Variants in ARHGAP6 observed in about 807,000 individuals in gnomAD.
ARHGAP6 encodes rho GTPase-activating protein 6.
ARHGAP6 carries 16 observed loss-of-function variants against 55.7 expected under a neutral mutation model. The observed-to-expected ratio is 0.29, with a 90% CI of 0.19 to 0.44. ARHGAP6 has a LOEUF of 0.44. Among genes scored for constraint, ARHGAP6 ranks in the 20% least tolerant of loss-of-function variants. The pLI is 1.00. For missense variants in ARHGAP6, 698 were observed against 808.9 expected (o/e 0.86, Z 1.66); for synonymous variants, 382 against 360.9 (o/e 1.06, Z -0.66).
At chrX:11,523,949 T>C (rs2050963379) in intron 1 of ARHGAP6, among the ~76,000 whole-genome samples, 1 of 111,865 alleles carries the variant, frequency 8.9e-6, no homozygotes, top group African/African-American at 3.2e-5. Context: ...TTTAGAGAAA[T>C]TATTTAACCA....
intron 1 of ARHGAP6, among the ~76,000 whole-genome samples, chrX:11,383,482 C>G (rs2049286860): frequency 9.0e-6 from 1 of 111,194 alleles, no homozygotes; most frequent in African/African-American, 3.3e-5. Context: ...CAAAACAACC[C>G]AGGATGAGGG....
chrX:11,176,248 TA>T (rs1371272994), intron 8 of ARHGAP6, among the ~76,000 whole-genome samples: 36 of 68,143 alleles, frequency 5.3e-4, no homozygotes, highest in African/African-American at 8.2e-4. Context: ...TATATATATA[TA>T]TATATATATA....
rs772258901 is a variant in ARHGAP6 at position 11,225,592 on chromosome X, A to C, written c.749-28596T>G. ...GTATTGATTTAAAGAGTATCCATTT[A>C]AAGCTAATGCAGAATTATGTTTTGT... On this transcript the variant is annotated intron_variant, in intron 2 of 12. Transcript: ENST00000337414. 4.4e-4 allele frequency: 122 copies of C among 276,015 alleles called. 1 individual carries two copies. Among genetic ancestry groups the C allele is most frequent in the African/African-American group, 3.2e-3 (110 of 34,555 alleles). The allele number at this position is 276,015 out of a possible 1,213,427, so 22.7% of individuals were successfully genotyped here. A position where few individuals can be genotyped will look rare whatever the true frequency, so the allele number is the denominator to read the frequency against.
chrX:11,275,213 T>C (rs985440529), intron 1 of ARHGAP6, among the ~76,000 whole-genome samples: 1 of 112,129 alleles, frequency 8.9e-6, no homozygotes, highest in African/African-American at 3.2e-5. Context: ...ATTTATTATA[T>C]GATGAATTAT....
intron 1 of ARHGAP6, among the ~76,000 whole-genome samples, chrX:11,549,782 G>A (rs2051247833): frequency 8.9e-6 from 1 of 112,575 alleles, no homozygotes; most frequent in African/African-American, 3.2e-5. Context: ...TACAAGGAGA[G>A]AATTTGAGAG....
chrX:11,535,589 A>G (rs2051095718), intron 1 of ARHGAP6, among the ~76,000 whole-genome samples: 1 of 111,711 alleles, frequency 9.0e-6, no homozygotes, highest in African/African-American at 3.3e-5. Flanking sequence ...AGGAAGTTTT[A>G]AGGGCCTCTG....
chrX:11,348,813 T>A (rs1015900849), intron 1 of ARHGAP6, among the ~76,000 whole-genome samples: 3 of 110,431 alleles, frequency 2.7e-5, no homozygotes, highest in Non-Finnish European at 5.7e-5. Context: ...CACCTACTAA[T>A]TAAAAAAAGT....
intron 1 of ARHGAP6, among the ~76,000 whole-genome samples, chrX:11,389,584 C>G (rs940874660): frequency 8.9e-6 from 1 of 112,028 alleles, no homozygotes; most frequent in Non-Finnish European, 1.9e-5. Flanking sequence ...TCTGAGCATG[C>G]GTTATCATCA....
chrX:11,539,069 C>T (rs2051131608), intron 1 of ARHGAP6, among the ~76,000 whole-genome samples: 1 of 110,691 alleles, frequency 9.0e-6, no homozygotes, highest in South Asian at 3.8e-4. Flanking sequence ...ATTGGCCAGG[C>T]TGGTCTGGAA....
At chrX:11,570,394 G>A (rs1346843855) in intron 1 of ARHGAP6, among the ~76,000 whole-genome samples, 2 of 111,550 alleles carry the variant, frequency 1.8e-5, no homozygotes, top group Non-Finnish European at 3.8e-5. Context: ...TTGATAATAT[G>A]TTTAATAGGT....
intron 1 of ARHGAP6, among the ~76,000 whole-genome samples, chrX:11,581,773 G>T (rs1012314729): frequency 5.4e-5 from 6 of 111,081 alleles, no homozygotes; most frequent in African/African-American, 2.0e-4. Flanking sequence ...AGATGGACGG[G>T]GGAAGGGGGA....
intron 1 of ARHGAP6, among the ~76,000 whole-genome samples, chrX:11,430,052 T>C (rs1039815460): frequency 1.8e-5 from 2 of 110,327 alleles, no homozygotes; most frequent in African/African-American, 6.6e-5. Context: ...AAGCTAAAAA[T>C]CCCTTTCCCT....
Position 11,399,354 on chromosome X carries a change from CAAAAAAA to C in ARHGAP6, c.589-144654_589-144648del, listed in dbSNP as rs56197001. The stretch of plus-strand genomic sequence containing the variant: ...CAGTTCCTGCCACACAATAAGCAAT[CAAAAAAA>C]AAAAAAAAAAAAAAAACCACTGGCT... On this transcript the variant is annotated intron_variant, in intron 1 of 12. Transcript: ENST00000337414. 2.3e-4 allele frequency among the ~76,000 whole-genome samples: 8 copies of C among 35,337 alleles called. No homozygotes were observed. The Admixed American group carries it at 3.3e-3, about 15-fold the overall frequency. 30.7% of individuals were successfully genotyped at this position (35,337 alleles called of 115,157 possible).
intron 1 of ARHGAP6, chrX:11,265,879 C>A: frequency 2.1e-6 from 2 of 950,099 alleles, no homozygotes; most frequent in Non-Finnish European, 2.7e-6. Context: ...CCTTTTGTTG[C>A]CAGAGACCTC....
intron 1 of ARHGAP6, among the ~76,000 whole-genome samples, chrX:11,293,749 C>T (rs1166086767): frequency 1.8e-5 from 2 of 111,714 alleles, no homozygotes; most frequent in East Asian, 5.6e-4. Flanking sequence ...AAAAATAATA[C>T]ATTCACAGGC....
At chrX:11,642,698 G>C (rs771623281) in intron 1 of ARHGAP6, among the ~76,000 whole-genome samples, 8 of 111,439 alleles carry the variant, frequency 7.2e-5, no homozygotes, top group Non-Finnish European at 1.1e-4. Flanking sequence ...GACACAAAAG[G>C]TCACATATTG....
chrX:11,172,524 CA>C (rs2046107384), intron 8 of ARHGAP6, among the ~76,000 whole-genome samples: 1 of 111,325 alleles, frequency 9.0e-6, no homozygotes, highest in African/African-American at 3.3e-5. Flanking sequence ...AAAACATTAA[CA>C]AATGGAAGAT....
intron 1 of ARHGAP6, among the ~76,000 whole-genome samples, chrX:11,441,448 G>A (rs2050038002): frequency 1.8e-5 from 2 of 111,734 alleles, no homozygotes; most frequent in African/African-American, 6.5e-5. Flanking sequence ...CCTAAGACAA[G>A]ACTCTCCAAA....
chrX:11,638,468 T>G (rs1408505884), intron 1 of ARHGAP6, among the ~76,000 whole-genome samples: 1 of 112,145 alleles, frequency 8.9e-6, no homozygotes, highest in African/African-American at 3.2e-5. Context: ...TAATTTGAAC[T>G]GTTTAGACAC....
Sources: allele counts gnomAD v4.1 joint callset (sites outside exome capture counted in the v4.1 genomes callset), GRCh38; gene constraint gnomAD v4.1.1; transcripts MANE v1.5; gene names NCBI Gene and HGNC (gene_info 2026-07-23, HGNC 2026-07-21).